The following CSMD1 variants were observed in gnomAD, a reference collection of about 807,000 sequenced individuals.
The protein encoded by CSMD1 is CUB and sushi domain-containing protein 1.
Under a neutral mutation model 417.5 loss-of-function variants are expected in CSMD1, and 213 were observed. The ratio of observed to expected loss-of-function variants is 0.51; its 90% CI spans 0.46 to 0.57. The LOEUF is 0.57. Ranked by LOEUF, CSMD1 falls within the 20% of genes least tolerant of loss-of-function variation. The pLI, the probability that CSMD1 is intolerant of heterozygous loss-of-function variation, is 0.00. For synonymous variants in CSMD1, 2,862 were observed against 1,736.8 expected (o/e 1.65, Z -16.11); for missense variants, 6,923 against 4,529.7 (o/e 1.53, Z -15.17).
intron 3 of CSMD1, among the ~76,000 whole-genome samples, chr8:4,136,222 T>C (rs1023546858): frequency 3.3e-5 from 5 of 152,222 alleles, no homozygotes; most frequent in African/African-American, 4.8e-5. Context: ...ATCACATATA[T>C]AGAAATGAAC....
At chr8:4,453,538 G>C (rs149250171) in intron 2 of CSMD1, among the ~76,000 whole-genome samples, 58 of 152,316 alleles carry the variant, frequency 3.8e-4, no homozygotes, top group African/African-American at 1.3e-3. Flanking sequence ...AGAGAACACA[G>C]CCGACAGAAT....
At chr8:4,020,927 G>C (rs568492053) in intron 4 of CSMD1, among the ~76,000 whole-genome samples, 1 of 152,170 alleles carries the variant, frequency 6.6e-6, no homozygotes, top group African/African-American at 2.4e-5. Flanking sequence ...AACTTAAAGG[G>C]AAGAATTTCC....
intron 3 of CSMD1, 21 bp downstream of exon 3, chr8:4,419,932 A>T: frequency 6.7e-7 from 1 of 1,490,272 alleles, no homozygotes; most frequent in Non-Finnish European, 9.2e-7. Flanking sequence ...ATGCATGTGC[A>T]AAACACAACC....
intron 2 of CSMD1, among the ~76,000 whole-genome samples, chr8:4,428,679 T>C (rs1242686916): frequency 6.6e-6 from 1 of 152,200 alleles, no homozygotes; most frequent in Non-Finnish European, 1.5e-5. Context: ...TAATGTCATA[T>C]TAATAATCCA....
chr8:3,342,856 TGC>T (rs139555630), intron 23 of CSMD1, among the ~76,000 whole-genome samples: 24,581 of 150,858 alleles, frequency 0.16, 2,168 homozygotes, highest in Non-Finnish European at 0.2. Flanking sequence ...TGTGTGTGTG[TGC>T]TTATACATAT....
chr8:3,163,589 G>A (rs1379574150), intron 37 of CSMD1, among the ~76,000 whole-genome samples: 1 of 150,690 alleles, frequency 6.6e-6, no homozygotes, highest in Non-Finnish European at 1.5e-5. Flanking sequence ...CCTGCTCCAC[G>A]TCTCACCAGA....
chr8:3,749,862 A>G (rs1267448444), intron 6 of CSMD1, among the ~76,000 whole-genome samples: 1 of 151,876 alleles, frequency 6.6e-6, no homozygotes, highest in Non-Finnish European at 1.5e-5. Context: ...GCGGTGGTTG[A>G]CAATGGTGCT....
chr8:4,753,436 CACACACACACAT>C, intron 1 of CSMD1, among the ~76,000 whole-genome samples: 1 of 142,674 alleles, frequency 7.0e-6, no homozygotes, highest in East Asian at 2.4e-4. Context: ...CACACACACA[CACACACACACAT>C]GCGCACACAC....
At chr8:4,665,287 G>T (rs984065098) in intron 1 of CSMD1, among the ~76,000 whole-genome samples, 2 of 152,142 alleles carry the variant, frequency 1.3e-5, no homozygotes, top group African/African-American at 2.4e-5. Flanking sequence ...TTTTCTCTCA[G>T]ATTGGCCTTC....
intron 41 of CSMD1, among the ~76,000 whole-genome samples, chr8:3,137,970 A>T (rs1818204726): frequency 6.6e-6 from 1 of 152,196 alleles, no homozygotes; most frequent in African/African-American, 2.4e-5. Flanking sequence ...CATGCCTGTA[A>T]TCCCAGCACT....
chr8:4,868,137 G>T (rs1490976684), intron 1 of CSMD1, among the ~76,000 whole-genome samples: 1 of 152,210 alleles, frequency 6.6e-6, no homozygotes, highest in Non-Finnish European at 1.5e-5. Context: ...CTGCAAAATT[G>T]AGAAATAATG....
At chr8:3,919,401 C>T (rs1253423608) in intron 5 of CSMD1, among the ~76,000 whole-genome samples, 1 of 151,992 alleles carries the variant, frequency 6.6e-6, no homozygotes, top group Non-Finnish European at 1.5e-5. Context: ...CTCTCTTTTC[C>T]CCCATTGTGT....
At chr8:4,721,107 C>A (rs1028856274) in intron 1 of CSMD1, among the ~76,000 whole-genome samples, 3 of 152,120 alleles carry the variant, frequency 2.0e-5, no homozygotes, top group Non-Finnish European at 4.4e-5. Context: ...ATGAAAAAGG[C>A]TTTGGAAACT....
At chr8:4,627,206 T>A (rs940633000) in intron 2 of CSMD1, among the ~76,000 whole-genome samples, 9 of 152,130 alleles carry the variant, frequency 5.9e-5, no homozygotes, top group Non-Finnish European at 1.0e-4. Flanking sequence ...GTTGAAAGGA[T>A]AAATCAGCAA....
intron 1 of CSMD1, among the ~76,000 whole-genome samples, chr8:4,648,846 G>T (rs1270537856): frequency 1.3e-5 from 2 of 152,256 alleles, no homozygotes; most frequent in South Asian, 4.1e-4. Context: ...AGTTGGTCGG[G>T]AAGTATGCAC....
At chr8:4,836,815 G>C (rs1175219852) in intron 1 of CSMD1, among the ~76,000 whole-genome samples, 6 of 151,784 alleles carry the variant, frequency 4.0e-5, no homozygotes, top group Non-Finnish European at 8.8e-5. Context: ...CCCTGTGTTA[G>C]TTTCAGCCAA....
chr8:3,113,671 G>C (rs7000477), intron 42 of CSMD1, among the ~76,000 whole-genome samples: 19,091 of 152,124 alleles, frequency 0.13, 1,622 homozygotes, highest in East Asian at 0.39. Flanking sequence ...ACATCCCTGA[G>C]AAGTGGGAAG....
At chr8:4,400,640 G>C (rs1359093773) in intron 3 of CSMD1, among the ~76,000 whole-genome samples, 2 of 152,104 alleles carry the variant, frequency 1.3e-5, no homozygotes, top group South Asian at 4.1e-4. Flanking sequence ...CAATCTTGAA[G>C]TCTTTAAATT....
At chr8:4,152,618 A>AG (rs1796627134) in intron 3 of CSMD1, among the ~76,000 whole-genome samples, 1 of 152,048 alleles carries the variant, frequency 6.6e-6, no homozygotes, top group Non-Finnish European at 1.5e-5. Context: ...TGAGCCTAGG[A>AG]GGTCAAGGCT....
Sources: allele counts gnomAD v4.1 joint callset (sites outside exome capture counted in the v4.1 genomes callset), GRCh38; gene constraint gnomAD v4.1.1; transcripts MANE v1.5; gene names NCBI Gene and HGNC (gene_info 2026-07-23, HGNC 2026-07-21).